Variants in SIPA1L3 observed in about 807,000 individuals in gnomAD.
The protein encoded by SIPA1L3 is signal-induced proliferation-associated 1-like protein 3.
A neutral mutation model predicts 150.1 loss-of-function variants in SIPA1L3; 59 were observed. That is an observed-to-expected ratio of 0.39 (90% CI 0.32 to 0.49). SIPA1L3 has a LOEUF of 0.49. Ranked by LOEUF, SIPA1L3 falls within the 20% of genes least tolerant of loss-of-function variation. The probability of loss-of-function intolerance (pLI) is 0.86; values close to 1 mark genes in which losing one functional copy is unlikely to be tolerated. For synonymous variants in SIPA1L3, 1,070 were observed against 1,077.6 expected, an observed-to-expected ratio of 0.99 and a Z score of 0.14; for missense variants, 2,211 against 2,489.5, an observed-to-expected ratio of 0.89 and a Z score of 2.38.
rs773931584 is a variant in SIPA1L3 at position 38,130,779 on chromosome 19, G to A, written c.3143+7G>A. 11 of 1,588,240 alleles carry A rather than the reference G, an allele frequency of 6.9e-6. No individual in the cohort carries two copies. The highest frequency in any genetic ancestry group is 8.6e-6 in the Non-Finnish European group (10 of 1,162,368). On this transcript the variant is annotated splice_region_variant and intron_variant, in intron 10 of 21. Coordinates refer to ENST00000222345, the MANE Select transcript of SIPA1L3 (RefSeq NM_015073.3). ...AGGACGGCACTCCCCGGAGGTAAGG[G>A]CCTCCACCTTTCAGCCAGGTGGTGG...
intron 9 of SIPA1L3, among the ~76,000 whole-genome samples, chr19:38,122,603 C>G (rs1284438381): frequency 1.3e-5 from 2 of 152,218 alleles, no homozygotes; most frequent in Admixed American, 1.3e-4. Context: ...TCTGCCTAAA[C>G]CCTCAGGTCA....
chr19:38,114,687 G>T (rs578253465), intron 8 of SIPA1L3, among the ~76,000 whole-genome samples: 2 of 152,158 alleles, frequency 1.3e-5, no homozygotes, highest in Non-Finnish European at 2.9e-5. Context: ...AACCTGTTTC[G>T]TCTGTCCATG....
intron 8 of SIPA1L3, among the ~76,000 whole-genome samples, chr19:38,114,687 G>C (rs578253465): frequency 6.6e-6 from 1 of 152,158 alleles, no homozygotes. Context: ...AACCTGTTTC[G>C]TCTGTCCATG....
At chr19:37,989,726 C>CACA (rs1967451005) in intron 1 of SIPA1L3, among the ~76,000 whole-genome samples, 1 of 144,724 alleles carries the variant, frequency 6.9e-6, no homozygotes, top group East Asian at 2.0e-4. Flanking sequence ...AGTGCAATGG[C>CACA]GTGATCTCAG....
intron 3 of SIPA1L3, among the ~76,000 whole-genome samples, chr19:38,088,223 C>T (rs933828111): frequency 2.0e-5 from 3 of 152,240 alleles, no homozygotes; most frequent in African/African-American, 7.2e-5. Context: ...TGCTATCTAG[C>T]GACTTGGCTG....
chr19:38,187,420 A>G (rs1324988181), intron 16 of SIPA1L3, among the ~76,000 whole-genome samples: 3 of 149,546 alleles, frequency 2.0e-5, no homozygotes, highest in Admixed American at 1.3e-4. Flanking sequence ...CCACTGCACT[A>G]CAGCCTGGGC....
At chr19:38,201,310 C>T (rs530775911) in intron 19 of SIPA1L3, among the ~76,000 whole-genome samples, 2 of 152,250 alleles carry the variant, frequency 1.3e-5, no homozygotes. Flanking sequence ...GTGTCCAAGG[C>T]GGGACCCAGG....
intron 7 of SIPA1L3, among the ~76,000 whole-genome samples, chr19:38,109,088 C>T (rs559657758): frequency 4.6e-5 from 7 of 152,180 alleles, no homozygotes; most frequent in Non-Finnish European, 1.0e-4. Context: ...GAGTCTTCCT[C>T]GGAGACTGAC....
chr19:38,130,964 G>A, intron 10 of SIPA1L3, 192 bp downstream of exon 10: 3 of 613,424 alleles, frequency 4.9e-6, no homozygotes, highest in South Asian at 2.1e-5. Flanking sequence ...CCAGTTATTG[G>A]TTTAGCCCTT....
chr19:37,962,463 CTTTTTT>C (rs71177491), intron 1 of SIPA1L3, among the ~76,000 whole-genome samples: 11 of 73,096 alleles, frequency 1.5e-4, no homozygotes, highest in African/African-American at 6.4e-4. Context: ...TGCAGCCGGC[CTTTTTT>C]TTTTTTTTTT....
Position 38,164,784 on chromosome 19 carries a change from G to A in SIPA1L3, c.4086G>A (p.Glu1362=), listed in dbSNP as rs757750924. The change falls in exon 15 of 22, where the codon GAG becomes GAA. Residue 1362 remains glutamate (E), a synonymous_variant. Coordinates refer to ENST00000222345, the MANE Select transcript of SIPA1L3 (RefSeq NM_015073.3). The surrounding 1 kb of genome is among the most constrained non-coding windows in gnomAD (Gnocchi z 4.1). ...GRSHHADRRR[E]VSPAPAVAGQ... ...CCCACCACGCAGACAGGCGGCGGGA[G>A]GTCTCCCCTGCCCCCGCAGTTGCCG... is the stretch of plus-strand genomic sequence containing the variant. 7 of 1,612,180 alleles carry A rather than the reference G, an allele frequency of 4.3e-6. No individual in the cohort carries two copies. Among genetic ancestry groups the A allele is most frequent in the Non-Finnish European group, 5.1e-6 (6 of 1,179,302 alleles).
At chr19:38,120,816 C>A (rs1228774413) in intron 9 of SIPA1L3, among the ~76,000 whole-genome samples, 1 of 152,228 alleles carries the variant, frequency 6.6e-6, no homozygotes, top group Non-Finnish European at 1.5e-5. Flanking sequence ...CATCTAAGCT[C>A]CACAAGAAAG....
chr19:38,032,360 G>A (rs1281731709), intron 2 of SIPA1L3, among the ~76,000 whole-genome samples: 6 of 152,168 alleles, frequency 3.9e-5, no homozygotes, highest in Middle Eastern at 3.2e-3. Flanking sequence ...CAGGGCCTTA[G>A]GGAACTTGGA....
At chr19:38,201,811 G>A in intron 19 of SIPA1L3, 51 bp from the exon 20 acceptor site, 1 of 1,546,392 alleles carries the variant, frequency 6.5e-7, no homozygotes, top group Non-Finnish European at 8.7e-7. Flanking sequence ...TCTGTTGCGG[G>A]AGAAGCCGGG....
At chr19:37,998,535 A>C (rs1967699515) in intron 1 of SIPA1L3, among the ~76,000 whole-genome samples, 1 of 152,230 alleles carries the variant, frequency 6.6e-6, no homozygotes, top group Non-Finnish European at 1.5e-5. Context: ...TATTCCCGGC[A>C]CTTTGGGAGA....
chr19:38,001,125 G>A (rs1025980750), intron 1 of SIPA1L3, among the ~76,000 whole-genome samples: 1 of 151,164 alleles, frequency 6.6e-6, no homozygotes, highest in African/African-American at 2.4e-5. Flanking sequence ...AAAAGTTAAG[G>A]AATCATGTGA....
chr19:37,919,563 C>T (rs1371506972), intron 1 of SIPA1L3, among the ~76,000 whole-genome samples: 2 of 152,148 alleles, frequency 1.3e-5, no homozygotes, highest in Non-Finnish European at 2.9e-5. Context: ...ACTGTGTGGT[C>T]TTTCGATGAA....
intron 12 of SIPA1L3, among the ~76,000 whole-genome samples, chr19:38,149,962 C>G (rs1012768668): frequency 6.6e-6 from 1 of 152,212 alleles, no homozygotes; most frequent in African/African-American, 2.4e-5. Flanking sequence ...GAGGATTTCA[C>G]AGCGACTTTT....
chr19:38,035,204 T>C (rs1468741379), intron 2 of SIPA1L3, among the ~76,000 whole-genome samples: 1 of 152,204 alleles, frequency 6.6e-6, no homozygotes, highest in African/African-American at 2.4e-5. Context: ...AGTGAAACTC[T>C]CACGACAGCT....
Sources: allele counts gnomAD v4.1 joint callset (sites outside exome capture counted in the v4.1 genomes callset), GRCh38; gene constraint gnomAD v4.1.1; non-coding constraint Gnocchi (gnomAD v3.1); transcripts MANE v1.5; gene names NCBI Gene and HGNC (gene_info 2026-07-23, HGNC 2026-07-21).